The following PCP4 variants were observed in gnomAD, a reference collection of about 807,000 sequenced individuals.
PCP4 encodes calmodulin regulator protein PCP4.
A neutral mutation model predicts 10.0 loss-of-function variants in PCP4; 8 were observed. That is an observed-to-expected ratio of 0.80 (90% CI 0.47 to 1.45). The LOEUF (loss-of-function observed/expected upper bound fraction) is 1.45. Ranked by LOEUF, PCP4 falls within the 40% of genes most tolerant of loss-of-function variation. The probability of loss-of-function intolerance (pLI) is 0.00; values close to 1 mark genes in which losing one functional copy is unlikely to be tolerated. For missense variants in PCP4, 54 were observed against 74.4 expected, an observed-to-expected ratio of 0.73 and a Z score of 1.01; for synonymous variants, 21 against 23.0, an observed-to-expected ratio of 0.91 and a Z score of 0.24.
At chr21:39,922,785 G>T (rs565699910) in intron 2 of PCP4, among the ~76,000 whole-genome samples, 4 of 152,224 alleles carry the variant, frequency 2.6e-5, no homozygotes. Context: ...AGCAGTTCAC[G>T]TAGCTGCCCA....
intron 1 of PCP4, among the ~76,000 whole-genome samples, chr21:39,894,733 TAATA>T (rs2087448733): frequency 6.6e-6 from 1 of 152,196 alleles, no homozygotes; most frequent in South Asian, 2.1e-4. Flanking sequence ...AGTTCAATGA[TAATA>T]AATAATACTT....
intron 2 of PCP4, among the ~76,000 whole-genome samples, chr21:39,923,319 CG>C (rs2087605916): frequency 6.6e-6 from 1 of 152,146 alleles, no homozygotes; most frequent in Non-Finnish European, 1.5e-5. Context: ...AGAAAGCAGA[CG>C]TGAGGCACCG....
intron 2 of PCP4, among the ~76,000 whole-genome samples, chr21:39,917,181 G>A (rs1240174352): frequency 2.0e-5 from 3 of 152,192 alleles, no homozygotes; most frequent in South Asian, 2.1e-4. Flanking sequence ...GATATTTAGC[G>A]ACACGATAGA....
intron 1 of PCP4, among the ~76,000 whole-genome samples, chr21:39,877,749 T>A (rs767340965): frequency 2.6e-5 from 4 of 152,080 alleles, no homozygotes; most frequent in Non-Finnish European, 5.9e-5. Context: ...AACAAGACCC[T>A]TGTTGGCAAA....
intron 2 of PCP4, among the ~76,000 whole-genome samples, chr21:39,910,739 C>A (rs1488501282): frequency 6.6e-6 from 1 of 152,234 alleles, no homozygotes; most frequent in Non-Finnish European, 1.5e-5. Context: ...AGGAGCTGGG[C>A]ATTTTTGCTG....
At chr21:39,876,980 G>A (rs949566756) in intron 1 of PCP4, among the ~76,000 whole-genome samples, 2 of 152,178 alleles carry the variant, frequency 1.3e-5, no homozygotes, top group African/African-American at 4.8e-5. Context: ...GAAGGGCATC[G>A]TTGTCATTTC....
At chr21:39,904,000 C>T (rs2087494904) in intron 2 of PCP4, among the ~76,000 whole-genome samples, 1 of 151,454 alleles carries the variant, frequency 6.6e-6, no homozygotes, top group Non-Finnish European at 1.5e-5. Flanking sequence ...CAATCCCAAA[C>T]CATAAAAGTT....
chr21:39,885,094 C>G (rs1014537040), intron 1 of PCP4, among the ~76,000 whole-genome samples: 1 of 152,166 alleles, frequency 6.6e-6, no homozygotes, highest in African/African-American at 2.4e-5. Context: ...CCAGAGTGAC[C>G]TATGTTCCTG....
chr21:39,905,697 A>G (rs2087503545), intron 2 of PCP4, among the ~76,000 whole-genome samples: 1 of 152,170 alleles, frequency 6.6e-6, no homozygotes, highest in South Asian at 2.1e-4. Flanking sequence ...TGTGGACAGA[A>G]GCGGAGATTC....
chr21:39,883,339 C>G (rs1235834712), intron 1 of PCP4: 1 of 152,156 alleles, frequency 6.6e-6, no homozygotes, highest in Admixed American at 6.5e-5. Context: ...GGAGAGGCTG[C>G]TGATTAGAGC....
chr21:39,904,622 T>C (rs73907624), intron 2 of PCP4, among the ~76,000 whole-genome samples: 3,006 of 152,262 alleles, frequency 0.02, 120 homozygotes, highest in African/African-American at 0.068. Flanking sequence ...ACAGAGGGAA[T>C]ACACCTGCCC....
At chr21:39,919,557 G>A (rs1378858134) in intron 2 of PCP4, among the ~76,000 whole-genome samples, 4 of 152,302 alleles carry the variant, frequency 2.6e-5, no homozygotes, top group South Asian at 4.1e-4. Context: ...AGCATTAGGC[G>A]TTAGGAGGTC....
intron 2 of PCP4, among the ~76,000 whole-genome samples, chr21:39,911,025 A>C (rs376323571): frequency 6.6e-5 from 10 of 152,152 alleles, no homozygotes; most frequent in Non-Finnish European, 1.3e-4. Context: ...ACTCTTTATG[A>C]TTCTGTGGCT....
intron 2 of PCP4, among the ~76,000 whole-genome samples, chr21:39,898,886 G>T (rs2087469899): frequency 6.6e-6 from 1 of 152,212 alleles, no homozygotes; most frequent in Non-Finnish European, 1.5e-5. Context: ...TGAAAACTGT[G>T]AAGTACACAA....
chr21:39,876,206 A>G (rs1294483018), intron 1 of PCP4, among the ~76,000 whole-genome samples: 2 of 152,004 alleles, frequency 1.3e-5, no homozygotes, highest in Admixed American at 1.3e-4. Context: ...CTGTCGTGAA[A>G]CGGGTCCACA....
intron 2 of PCP4, among the ~76,000 whole-genome samples, chr21:39,919,432 C>T (rs929067071): frequency 6.6e-6 from 1 of 152,222 alleles, no homozygotes; most frequent in East Asian, 1.9e-4. Flanking sequence ...TTATAGCTTG[C>T]TAAAATTTAG....
rs748633802 is a variant in PCP4, at chr21:39,885,198, C to T, written c.10-13278C>T. 3.3e-5 allele frequency among the ~76,000 whole-genome samples: 5 copies of T among 152,294 alleles called. No individual in the cohort carries two copies. In the East Asian group the frequency reaches 9.7e-4, roughly 29 times the overall value. On this transcript the variant is annotated intron_variant, in intron 1 of 2. Coordinates refer to ENST00000328619, the MANE Select transcript of PCP4 (RefSeq NM_006198.3). ...TCTGAACAGCAGCCTTAGCCAGAGCCGTTAAATGGGTTTCTGTCCTGCTCC... is the reference window on the plus strand; with the variant it reads ...TCTGAACAGCAGCCTTAGCCAGAGCTGTTAAATGGGTTTCTGTCCTGCTCC...
intron 2 of PCP4, among the ~76,000 whole-genome samples, chr21:39,916,942 A>T (rs1251794598): frequency 1.3e-5 from 2 of 152,174 alleles, no homozygotes; most frequent in Non-Finnish European, 2.9e-5. Flanking sequence ...ACTGGGGCTT[A>T]TTGGGAGGGA....
chr21:39,885,886 T>C (rs2087398545), intron 1 of PCP4, among the ~76,000 whole-genome samples: 1 of 152,250 alleles, frequency 6.6e-6, no homozygotes, highest in Admixed American at 6.5e-5. Flanking sequence ...TATTCTCTTA[T>C]AGTTCTGGAG....
Sources: allele counts gnomAD v4.1 joint callset (sites outside exome capture counted in the v4.1 genomes callset), GRCh38; gene constraint gnomAD v4.1.1; transcripts MANE v1.5; gene names NCBI Gene and HGNC (gene_info 2026-07-23, HGNC 2026-07-21).